Variants in PSD3 observed in about 807,000 individuals in gnomAD.
The protein encoded by PSD3 is PH and SEC7 domain-containing protein 3.
PSD3 carries 49 observed loss-of-function variants against 105.5 expected under a neutral mutation model. That is an observed-to-expected ratio of 0.46 (90% confidence interval 0.37 to 0.59). The LOEUF is 0.59. Ranked by LOEUF, PSD3 falls within the 20% of genes least tolerant of loss-of-function variation. PSD3 has a pLI of 0.00. For synonymous variants in PSD3, 557 were observed against 457.8 expected, an observed-to-expected ratio of 1.22 and a Z score of -2.77; for missense variants, 1,561 against 1,263.8, an observed-to-expected ratio of 1.24 and a Z score of -3.57.
intron 4 of PSD3, among the ~76,000 whole-genome samples, chr8:18,812,757 G>T (rs1307966567): frequency 3.9e-5 from 6 of 152,204 alleles, no homozygotes; most frequent in African/African-American, 1.4e-4. Context: ...GACACGTGGA[G>T]ATTTCAGGAA....
intron 8 of PSD3, among the ~76,000 whole-genome samples, chr8:18,778,226 C>T (rs1808279118): frequency 6.6e-6 from 1 of 152,024 alleles, no homozygotes; most frequent in Admixed American, 6.6e-5. Flanking sequence ...TCTTTTGTAG[C>T]TGTTATAAAT....
intron 11 of PSD3, among the ~76,000 whole-genome samples, chr8:18,617,005 C>A (rs1176744700): frequency 6.6e-6 from 1 of 152,136 alleles, no homozygotes; most frequent in Non-Finnish European, 1.5e-5. Flanking sequence ...AGTTTCTCTA[C>A]TCCATTGAGG....
At chr8:18,574,855 CAT>C in intron 13 of PSD3, among the ~76,000 whole-genome samples, 1 of 152,154 alleles carries the variant, frequency 6.6e-6, no homozygotes, top group East Asian at 1.9e-4. Context: ...CTAAAACCCT[CAT>C]ATTTTATTGA....
At chr8:19,005,672 T>C (rs1826641610) in intron 1 of PSD3, among the ~76,000 whole-genome samples, 1 of 151,814 alleles carries the variant, frequency 6.6e-6, no homozygotes, top group Admixed American at 6.6e-5. Flanking sequence ...TTTTTGCTAT[T>C]AAAGGGGTCT....
At chr8:19,047,903 C>T (rs1007898276) in intron 1 of PSD3, among the ~76,000 whole-genome samples, 1 of 152,126 alleles carries the variant, frequency 6.6e-6, no homozygotes, top group Non-Finnish European at 1.5e-5. Flanking sequence ...TGCCTACTCA[C>T]AGCTAGGTTT....
chr8:18,572,037 C>G (rs1196142473), intron 14 of PSD3, among the ~76,000 whole-genome samples: 1 of 152,204 alleles, frequency 6.6e-6, no homozygotes, highest in Non-Finnish European at 1.5e-5. Flanking sequence ...TCTTCATTAG[C>G]TTGGAAAATC....
intron 9 of PSD3, among the ~76,000 whole-genome samples, chr8:18,721,420 C>G (rs1396108326): frequency 6.6e-6 from 1 of 152,142 alleles, no homozygotes; most frequent in African/African-American, 2.4e-5. Context: ...CCACCCAAGA[C>G]CAGGAACTGC....
Position 18,660,194 on chromosome 8 carries a change from C to T in PSD3, c.2173-4509G>A, listed in dbSNP as rs539022107. 6.6e-5 allele frequency among the ~76,000 whole-genome samples: 10 copies of T among 151,906 alleles called. No individual in the cohort carries two copies. In the South Asian group the frequency reaches 8.4e-4, roughly 13 times the overall value. On this transcript the variant is annotated intron_variant, in intron 9 of 15. Coordinates refer to ENST00000327040, the MANE Select transcript of PSD3 (RefSeq NM_015310.4). ...CACAAGTGTCTTTATAGAAGGCAGA[C>T]GGAGATTTAAGAAAGAAAAGAAGGC...
At chr8:19,036,643 T>A (rs533434919) in intron 1 of PSD3, among the ~76,000 whole-genome samples, 1 of 152,176 alleles carries the variant, frequency 6.6e-6, no homozygotes, top group African/African-American at 2.4e-5. Context: ...GGTAGGGTTA[T>A]GTGGCTTGGG....
In PSD3 at chr8:18,856,419, C is replaced by T. The variant is rs1449013460; in HGVS notation, c.1634+11255G>A. Among the ~76,000 whole-genome samples the T allele has an allele frequency of 6.6e-5, 10 of 152,300 alleles. No individual in the cohort carries two copies. In the South Asian group the frequency reaches 8.3e-4, roughly 13 times the overall value. ...GCCAGGGGTTCTCTGAGTCCCAAAA[C>T]GTAGAACTTGAGAAGACCACGGCCT... On this transcript the variant is annotated intron_variant, in intron 4 of 15. Coordinates refer to ENST00000327040, the MANE Select transcript of PSD3 (RefSeq NM_015310.4).
intron 7 of PSD3, among the ~76,000 whole-genome samples, chr8:18,800,110 A>G (rs1235478882): frequency 6.6e-6 from 1 of 152,194 alleles, no homozygotes; most frequent in Non-Finnish European, 1.5e-5. Flanking sequence ...CAAATTCTCG[A>G]AAGTATTTTA....
intron 1 of PSD3, among the ~76,000 whole-genome samples, chr8:18,972,565 A>G (rs749861960): frequency 1.3e-5 from 2 of 152,180 alleles, no homozygotes; most frequent in Non-Finnish European, 2.9e-5. Context: ...GTTCCCCCCA[A>G]ATTCATACAT....
At chr8:19,074,057 C>T (rs6982465) in intron 1 of PSD3, among the ~76,000 whole-genome samples, 108,345 of 151,650 alleles carry the variant, frequency 0.71, 39,301 homozygotes, top group East Asian at 0.81. Context: ...CCCAAAGTGC[C>T]GAGATTACAG....
At chr8:18,703,124 T>C (rs1031911793) in intron 9 of PSD3, among the ~76,000 whole-genome samples, 1 of 152,062 alleles carries the variant, frequency 6.6e-6, no homozygotes, top group Non-Finnish European at 1.5e-5. Context: ...TCTTAACTTT[T>C]TGGTTAAAAA....
At chr8:18,796,062 T>A (rs537569601) in intron 8 of PSD3, among the ~76,000 whole-genome samples, 2 of 152,278 alleles carry the variant, frequency 1.3e-5, no homozygotes, top group East Asian at 3.9e-4. Flanking sequence ...ATAAAATATT[T>A]AATTTAAGGG....
At chr8:18,903,610 G>C (rs1819651829) in intron 2 of PSD3, among the ~76,000 whole-genome samples, 1 of 152,060 alleles carries the variant, frequency 6.6e-6, no homozygotes, top group African/African-American at 2.4e-5. Context: ...TGTTATATGG[G>C]GTGCTATGTC....
chr8:18,847,052 A>G (rs1306002816), intron 4 of PSD3, among the ~76,000 whole-genome samples: 1 of 152,160 alleles, frequency 6.6e-6, no homozygotes, highest in Non-Finnish European at 1.5e-5. Context: ...AGCAAGAGTC[A>G]AGAAATTCCC....
intron 4 of PSD3, among the ~76,000 whole-genome samples, chr8:18,824,084 G>A (rs1357836835): frequency 6.6e-6 from 1 of 152,140 alleles, no homozygotes; most frequent in Non-Finnish European, 1.5e-5. Context: ...GAGGCGGGAA[G>A]AGCACGTGAG....
At chr8:19,053,249 A>T (rs574960649) in intron 1 of PSD3, among the ~76,000 whole-genome samples, 2 of 152,112 alleles carry the variant, frequency 1.3e-5, no homozygotes, top group Non-Finnish European at 2.9e-5. Context: ...GGTGGTGGGA[A>T]CAAATGGGGA....
Sources: gnomAD v4.1 joint callset for allele counts (sites outside exome capture counted in the v4.1 genomes callset) on GRCh38, gnomAD v4.1.1 for gene constraint, MANE v1.5 for transcripts, NCBI Gene and HGNC (gene_info 2026-07-23, HGNC 2026-07-21) for gene names.